Variants in LOXL2 observed in about 807,000 individuals in gnomAD.
LOXL2 encodes lysyl oxidase homolog 2.
Under a neutral mutation model 93.0 loss-of-function variants are expected in LOXL2, and 70 were observed. The observed-to-expected ratio is 0.75, with a 90% CI of 0.62 to 0.92. The LOEUF (loss-of-function observed/expected upper bound fraction) is 0.92, where lower values mean the gene tolerates loss of function less well. Ranked by LOEUF, LOXL2 falls within the 40% of genes least tolerant of loss-of-function variation. The pLI is 0.00. For missense variants in LOXL2, 973 were observed against 1,054.9 expected (o/e 0.92, Z 1.08); for synonymous variants, 438 against 413.2 (o/e 1.06, Z -0.73).
chr8:23,317,488 G>C (rs551454425), intron 8 of LOXL2, among the ~76,000 whole-genome samples: 1 of 152,320 alleles, frequency 6.6e-6, no homozygotes, highest in African/African-American at 2.4e-5. Context: ...CTCTAAGCCC[G>C]AATAGGATCT....
At chr8:23,340,069 C>G (rs928664576) in intron 4 of LOXL2, among the ~76,000 whole-genome samples, 6 of 152,218 alleles carry the variant, frequency 3.9e-5, no homozygotes, top group Non-Finnish European at 8.8e-5. Context: ...TGAGTCTGCA[C>G]CCTCTAAGAG....
rs1483906730 is a variant in LOXL2 at position 23,332,488 on chromosome 8, C to T, written c.966+913G>A. Among the ~76,000 whole-genome samples the T allele has an allele frequency of 3.8e-5, 3 of 79,040 alleles. No individual in the cohort carries two copies. The East Asian group carries it at 2.0e-3, about 52-fold the overall frequency. The allele number at this position is 79,040 out of a possible 152,430, so 51.9% of individuals were successfully genotyped here. On this transcript the variant is annotated intron_variant, in intron 5 of 13. Coordinates refer to ENST00000389131, the MANE Select transcript of LOXL2 (RefSeq NM_002318.3). ...ACATACCCCCCACACACTCCCATAC[C>T]CCCCCACTCATACACACACATACAC...
chr8:23,327,362 A>T (rs890234447), intron 6 of LOXL2, among the ~76,000 whole-genome samples: 3 of 152,208 alleles, frequency 2.0e-5, no homozygotes, highest in African/African-American at 7.2e-5. Flanking sequence ...AGTGAGGGCT[A>T]TCATTTCTTC....
intron 6 of LOXL2, among the ~76,000 whole-genome samples, chr8:23,326,759 AG>A (rs1373170906): frequency 6.6e-6 from 1 of 152,158 alleles, no homozygotes; most frequent in African/African-American, 2.4e-5. Context: ...AAAAAGATCC[AG>A]GGGATCCTGT....
chr8:23,374,508 C>A (rs1403201806), intron 1 of LOXL2, among the ~76,000 whole-genome samples: 8 of 152,166 alleles, frequency 5.3e-5, no homozygotes, highest in Admixed American at 3.9e-4. Context: ...AGTTCTAGAT[C>A]CTTGAGGAAT....
At chr8:23,401,515 A>G (rs551842974) in intron 1 of LOXL2, among the ~76,000 whole-genome samples, 4 of 152,364 alleles carry the variant, frequency 2.6e-5, no homozygotes, top group East Asian at 1.9e-4. Flanking sequence ...AACTACTTCA[A>G]TGACAGAAAC....
At chr8:23,377,411 A>T (rs2117222384) in intron 1 of LOXL2, among the ~76,000 whole-genome samples, 1 of 151,138 alleles carries the variant, frequency 6.6e-6, no homozygotes, top group South Asian at 2.1e-4. Context: ...AAGAATGTAT[A>T]TTCTGTTGAT....
At chr8:23,346,553 A>G (rs1391759482) in intron 3 of LOXL2, among the ~76,000 whole-genome samples, 12 of 152,222 alleles carry the variant, frequency 7.9e-5, no homozygotes, top group Admixed American at 7.9e-4. Context: ...ATGACATTTC[A>G]TATTTGCAGC....
chr8:23,304,882 C>G (rs1221767471), intron 10 of LOXL2, among the ~76,000 whole-genome samples: 1 of 152,208 alleles, frequency 6.6e-6, no homozygotes, highest in Admixed American at 6.5e-5. Context: ...GGGAAGACAG[C>G]AATGAACAGG....
At chr8:23,381,932 C>T (rs6557665) in intron 1 of LOXL2, among the ~76,000 whole-genome samples, 101,288 of 152,176 alleles carry the variant, frequency 0.67, 34,061 homozygotes, top group East Asian at 0.85. Flanking sequence ...GCTGCTTAAT[C>T]AAAATGGGTT....
intron 1 of LOXL2, among the ~76,000 whole-genome samples, chr8:23,381,394 A>T (rs1200391160): frequency 1.3e-5 from 2 of 152,200 alleles, no homozygotes; most frequent in African/African-American, 4.8e-5. Context: ...TTGCAAAACT[A>T]TATGAACCAC....
chr8:23,381,171 C>A (rs957440312), intron 1 of LOXL2, among the ~76,000 whole-genome samples: 3 of 150,358 alleles, frequency 2.0e-5, no homozygotes, highest in Non-Finnish European at 2.9e-5. Flanking sequence ...CTGCTTTTCA[C>A]ATTGAACAGC....
Position 23,385,244 on chromosome 8 carries a change from C to CTT in LOXL2, c.-83-16812_-83-16811dup, listed in dbSNP as rs67050683. Among the ~76,000 whole-genome samples, 105 of 132,758 alleles carry CTT rather than the reference C, an allele frequency of 7.9e-4. 1 individual carries two copies. The highest frequency in any genetic ancestry group is 2.9e-3 in the South Asian group (12 of 4,138). The allele number at this position is 132,758 out of a possible 152,430, so 87.1% of individuals were successfully genotyped here. A position where few individuals can be genotyped will look rare whatever the true frequency, so the allele number is the denominator to read the frequency against. ...TGGAAGAGAAAGTTGGATTTTTTTT[C>CTT]TTTTTTTTTTTTTTTTTGAGACAGA... is the stretch of plus-strand genomic sequence containing the variant. On this transcript the variant is annotated intron_variant, in intron 1 of 13. Coordinates refer to ENST00000389131, the MANE Select transcript of LOXL2 (RefSeq NM_002318.3).
At position 23,309,792 on chromosome 8, in the gene LOXL2, G is replaced by A. The variant is rs779659055; in HGVS notation, c.1756C>T (p.Gln586Ter). The A allele has an allele frequency of 6.2e-7, 1 of 1,604,460 alleles. No individual in the cohort carries two copies. The highest frequency in any genetic ancestry group is 1.1e-5 in the South Asian group (1 of 89,096). Residue 586 changes from glutamine to a stop codon, truncating the protein, a stop_gained, in exon 10 of 14, where the codon CAG (glutamine) becomes TAG (stop). Coordinates refer to ENST00000389131, the MANE Select transcript of LOXL2 (RefSeq NM_002318.3). LOFTEE classifies it high-confidence loss of function. The part of the protein sequence containing the change: ...EENCLSASAA[Q>*]TDPTTGYRRL... ...CGGTAGCCCGTGGTGGGGTCGGTCT[G>A]CGCGGCTGAGGCCGAGAGGCAGTTC...
intron 3 of LOXL2, among the ~76,000 whole-genome samples, chr8:23,353,144 G>A (rs1295344492): frequency 2.6e-5 from 4 of 152,152 alleles, no homozygotes; most frequent in East Asian, 1.9e-4. Flanking sequence ...GGCAACGTGC[G>A]GAGCAGCCGG....
rs1470196988 is a variant in LOXL2 at position 23,303,480 on chromosome 8, T to C, written c.1881-83A>G. 5 of 799,924 alleles carry C rather than the reference T, an allele frequency of 6.3e-6. 1 individual carries two copies. Among genetic ancestry groups the C allele is most frequent in the African/African-American group, 5.0e-5 (3 of 59,916 alleles). 49.6% of individuals were successfully genotyped at this position (799,924 alleles called of 1,614,324 possible). On this transcript the variant is annotated intron_variant, in intron 10 of 13. Transcript: ENST00000389131. ...GCAGAGGCCTGGCTGGCGATTTGCCTCTGGGAATACTTCCAGGGGACCAGA... is the reference window on the plus strand; with the variant it reads ...GCAGAGGCCTGGCTGGCGATTTGCCCCTGGGAATACTTCCAGGGGACCAGA...
intron 1 of LOXL2, among the ~76,000 whole-genome samples, chr8:23,377,869 C>G (rs1199628048): frequency 6.6e-6 from 1 of 152,158 alleles, no homozygotes; most frequent in South Asian, 2.1e-4. Context: ...ATACAGCACA[C>G]TGATGGGTCT....
chr8:23,403,783 G>A (rs1326230536), intron 1 of LOXL2, 171 bp downstream of exon 1: 1 of 152,276 alleles, frequency 6.6e-6, no homozygotes, highest in African/African-American at 2.4e-5. Context: ...GCGGCAGGAG[G>A]ACCCGTTAGC....
chr8:23,314,954 A>AG (rs1205559881), intron 9 of LOXL2, among the ~76,000 whole-genome samples: 1 of 152,208 alleles, frequency 6.6e-6, no homozygotes, highest in African/African-American at 2.4e-5. Flanking sequence ...TGAGGATGGG[A>AG]GGGGGTGGCC....
Sources: allele counts gnomAD v4.1 joint callset (sites outside exome capture counted in the v4.1 genomes callset), GRCh38; gene constraint gnomAD v4.1.1; transcripts MANE v1.5; gene names NCBI Gene and HGNC (gene_info 2026-07-23, HGNC 2026-07-21).